Variants in ESRRB observed in about 807,000 individuals in gnomAD.
ESRRB encodes the protein estrogen related receptor beta, also known as steroid hormone receptor ERR2.
A neutral mutation model predicts 46.0 loss-of-function variants in ESRRB; 16 were observed. That is an observed-to-expected ratio of 0.35 (90% CI 0.24 to 0.53). The LOEUF (loss-of-function observed/expected upper bound fraction) is 0.53, where lower values mean the gene tolerates loss of function less well. Among genes scored for constraint, ESRRB ranks in the 20% least tolerant of loss-of-function variants. The pLI is 0.93. For missense variants in ESRRB, 488 were observed against 607.4 expected (o/e 0.80, Z 2.07); for synonymous variants, 246 against 259.6 (o/e 0.95, Z 0.50).
At chr14:76,442,816 C>CTTTTTTTTTTTTTTTTTTTTTTT (rs1245748328) in intron 2 of ESRRB, among the ~76,000 whole-genome samples, 2 of 131,082 alleles carry the variant, frequency 1.5e-5, no homozygotes, top group Non-Finnish European at 1.6e-5. Context: ...TCTTTTTTTT[C>CTTTTTTTTTTTTTTTTTTTTTTT]TTTTTTTTTT....
chr14:76,485,664 A>G (rs988272401), intron 5 of ESRRB, among the ~76,000 whole-genome samples: 11 of 150,942 alleles, frequency 7.3e-5, no homozygotes, highest in African/African-American at 2.7e-4. Flanking sequence ...AGAGAGAAAG[A>G]AAGAGAGAGA....
Position 76,500,553 on chromosome 14 carries a change from G to A in ESRRB, c.*2095G>A. On this transcript the variant is annotated 3_prime_UTR_variant, in exon 7 of 7. Coordinates refer to ENST00000644823, the MANE Select transcript of ESRRB (RefSeq NM_001379180.1). ...GTAGAGACCTTGGGGTGTGTGCTTT[G>A]GGACTCCCTCAGTCTCTCACTGTGC... 1 of 803,284 alleles carries A rather than the reference G, an allele frequency of 1.2e-6. No homozygotes were observed. Among genetic ancestry groups the A allele is most frequent in the Non-Finnish European group, 2.2e-6 (1 of 463,322 alleles). 49.8% of individuals were successfully genotyped at this position (803,284 alleles called of 1,614,324 possible). A position where few individuals can be genotyped will look rare whatever the true frequency, so the allele number is the denominator to read the frequency against.
chr14:76,382,625 A>G (rs1394732826), intron 1 of ESRRB, among the ~76,000 whole-genome samples: 1 of 152,252 alleles, frequency 6.6e-6, no homozygotes, highest in Non-Finnish European at 1.5e-5. Flanking sequence ...AAGGAAAATC[A>G]TACTGGTTAA....
intron 1 of ESRRB, among the ~76,000 whole-genome samples, chr14:76,381,312 C>T (rs919525031): frequency 3.3e-5 from 5 of 152,126 alleles, no homozygotes; most frequent in South Asian, 2.1e-4. Context: ...ATGGCTGGCC[C>T]GGCAGATTAA....
intron 1 of ESRRB, among the ~76,000 whole-genome samples, chr14:76,410,967 A>G (rs1886411248): frequency 6.6e-6 from 1 of 151,506 alleles, no homozygotes; most frequent in African/African-American, 2.4e-5. Flanking sequence ...TATTTTTCGC[A>G]GAGACGGGGT....
intron 1 of ESRRB, among the ~76,000 whole-genome samples, chr14:76,311,952 A>G (rs565050406): frequency 7.0e-6 from 1 of 142,944 alleles, no homozygotes; most frequent in Non-Finnish European, 1.5e-5. Flanking sequence ...GAATTTACAA[A>G]GGAAAAGTAG....
chr14:76,313,852 A>G (rs999890201), intron 1 of ESRRB, among the ~76,000 whole-genome samples: 2 of 152,000 alleles, frequency 1.3e-5, no homozygotes, highest in Non-Finnish European at 2.9e-5. Flanking sequence ...ACACATTTCT[A>G]TCTGGCACAG....
chr14:76,424,046 G>C (rs1887091346), intron 1 of ESRRB, among the ~76,000 whole-genome samples: 2 of 152,212 alleles, frequency 1.3e-5, no homozygotes, highest in African/African-American at 2.4e-5. Flanking sequence ...ACTCATGACA[G>C]CACTTTCTGG....
intron 1 of ESRRB, among the ~76,000 whole-genome samples, chr14:76,393,042 C>A (rs531159199): frequency 6.6e-6 from 1 of 152,206 alleles, no homozygotes; most frequent in East Asian, 1.9e-4. Flanking sequence ...TGTGCAAAGC[C>A]TTTGGGGCAT....
chr14:76,350,343 CA>C (rs1884299087), intron 1 of ESRRB, among the ~76,000 whole-genome samples: 1 of 152,192 alleles, frequency 6.6e-6, no homozygotes, highest in South Asian at 2.1e-4. Flanking sequence ...CAGAACAATT[CA>C]AAACAGCCCT....
intron 3 of ESRRB, among the ~76,000 whole-genome samples, chr14:76,479,484 AAAT>A (rs1342196714): frequency 6.6e-6 from 1 of 152,190 alleles, no homozygotes; most frequent in Non-Finnish European, 1.5e-5. Context: ...AGTCAACAAC[AAAT>A]GTCAGTTACA....
At chr14:76,495,353 T>G (rs1405586087) in intron 6 of ESRRB, 1 of 151,922 alleles carries the variant, frequency 6.6e-6, no homozygotes, top group African/African-American at 2.4e-5. Flanking sequence ...GTGCACAGGA[T>G]AAGAAGCTGG....
At chr14:76,443,930 C>T (rs539899320) in intron 2 of ESRRB, among the ~76,000 whole-genome samples, 73 of 152,304 alleles carry the variant, frequency 4.8e-4, no homozygotes, top group African/African-American at 1.7e-3. Flanking sequence ...TCTCTTTCCA[C>T]AAGGAGAGTT....
At chr14:76,317,334 G>GTA (rs1883814016) in intron 1 of ESRRB, among the ~76,000 whole-genome samples, 1 of 151,342 alleles carries the variant, frequency 6.6e-6, no homozygotes, top group South Asian at 2.1e-4. Flanking sequence ...GTGTGTGTGT[G>GTA]TGTGTGTGTG....
At chr14:76,352,657 A>G (rs1315400180) in intron 1 of ESRRB, among the ~76,000 whole-genome samples, 1 of 152,178 alleles carries the variant, frequency 6.6e-6, no homozygotes, top group Non-Finnish European at 1.5e-5. Context: ...AGTGGAGACA[A>G]TAATAACATC....
At chr14:76,412,161 C>T (rs1219294485) in intron 1 of ESRRB, among the ~76,000 whole-genome samples, 1 of 152,176 alleles carries the variant, frequency 6.6e-6, no homozygotes, top group Non-Finnish European at 1.5e-5. Flanking sequence ...CAAAGAAGAA[C>T]AGACCTCGGA....
intron 1 of ESRRB, among the ~76,000 whole-genome samples, chr14:76,395,579 G>A (rs1232250513): frequency 2.6e-5 from 4 of 152,056 alleles, no homozygotes; most frequent in African/African-American, 9.7e-5. Flanking sequence ...GTGCACGCTG[G>A]CCTCATCTGA....
chr14:76,364,324 G>A (rs1278147349), intron 1 of ESRRB, among the ~76,000 whole-genome samples: 1 of 152,144 alleles, frequency 6.6e-6, no homozygotes, highest in Non-Finnish European at 1.5e-5. Flanking sequence ...GGATGCTGAG[G>A]GGGCTTCTGG....
chr14:76,361,999 A>G (rs941248457), intron 1 of ESRRB, among the ~76,000 whole-genome samples: 4 of 152,230 alleles, frequency 2.6e-5, no homozygotes, highest in African/African-American at 9.6e-5. Context: ...TTAATGCCTC[A>G]GCTGTGCTCT....
Sources: allele counts gnomAD v4.1 joint callset (sites outside exome capture counted in the v4.1 genomes callset), GRCh38; gene constraint gnomAD v4.1.1; transcripts MANE v1.5; gene names NCBI Gene and HGNC (gene_info 2026-07-23, HGNC 2026-07-21).